The following DLGAP1 variants were observed in gnomAD, a reference collection of about 807,000 sequenced individuals.
DLGAP1 encodes the protein DLG associated protein 1, also known as disks large-associated protein 1.
DLGAP1 carries 11 observed loss-of-function variants against 90.8 expected under a neutral mutation model. That is an observed-to-expected ratio of 0.12 (90% CI 0.08 to 0.20). The LOEUF (loss-of-function observed/expected upper bound fraction) is 0.20. DLGAP1 is among the 10% of genes least tolerant of loss of function. DLGAP1 has a pLI of 1.00. For missense variants in DLGAP1, 1,050 were observed against 1,333.8 expected (o/e 0.79, Z 3.31); for synonymous variants, 558 against 540.7 (o/e 1.03, Z -0.44).
At chr18:3,898,694 A>G (rs1426055586) in intron 3 of DLGAP1, among the ~76,000 whole-genome samples, 1 of 152,232 alleles carries the variant, frequency 6.6e-6, no homozygotes, top group African/African-American at 2.4e-5. Context: ...CAGTTAGGCA[A>G]TGTCCTTTAA....
intron 1 of DLGAP1, among the ~76,000 whole-genome samples, chr18:4,184,572 A>C (rs1316400356): frequency 6.6e-6 from 1 of 152,056 alleles, no homozygotes; most frequent in Non-Finnish European, 1.5e-5. Flanking sequence ...ATTTCGTTCA[A>C]TGGTATTTCT....
chr18:4,289,292 C>T (rs775135396), intron 1 of DLGAP1, among the ~76,000 whole-genome samples: 1 of 152,076 alleles, frequency 6.6e-6, no homozygotes, highest in Non-Finnish European at 1.5e-5. Context: ...TCTCTACCTA[C>T]GTTTGCAGCA....
At chr18:3,599,469 G>A (rs757241226) in intron 7 of DLGAP1, among the ~76,000 whole-genome samples, 2 of 152,160 alleles carry the variant, frequency 1.3e-5, no homozygotes, top group Non-Finnish European at 2.9e-5. Flanking sequence ...GGGGCAGAAG[G>A]ATGCCATCCT....
chr18:3,962,296 A>G (rs550479974), intron 3 of DLGAP1: 18 of 152,270 alleles, frequency 1.2e-4, no homozygotes, highest in Middle Eastern at 3.4e-3. Flanking sequence ...GTTTCTTCAC[A>G]TTAAATTTGA....
chr18:3,877,602 T>C (rs553487766), intron 4 of DLGAP1, among the ~76,000 whole-genome samples: 1 of 152,296 alleles, frequency 6.6e-6, no homozygotes, highest in Admixed American at 6.5e-5. Flanking sequence ...CTTTCAGTGG[T>C]GGGTGAAGCT....
intron 8 of DLGAP1, among the ~76,000 whole-genome samples, chr18:3,576,727 G>C (rs1467311142): frequency 1.3e-5 from 2 of 151,470 alleles, no homozygotes; most frequent in Non-Finnish European, 2.9e-5. Flanking sequence ...ACCATGCCCG[G>C]CTAATTTTTT....
intron 5 of DLGAP1, among the ~76,000 whole-genome samples, chr18:3,810,266 T>C (rs1157697571): frequency 6.6e-6 from 1 of 152,170 alleles, no homozygotes; most frequent in Non-Finnish European, 1.5e-5. Context: ...TTAGGCCTTA[T>C]ATGTCTGAGG....
chr18:3,977,434 G>GGTTTTTTTTTTTTTTTTTTTTTTTTT (rs767760816), intron 3 of DLGAP1, among the ~76,000 whole-genome samples: 1 of 95,332 alleles, frequency 1.0e-5, no homozygotes, highest in African/African-American at 4.2e-5. Context: ...TTTATTCTGT[G>GGTTTTTTTTTTTTTTTTTTTTTTTTT]TTTTTTTTTT....
intron 1 of DLGAP1, among the ~76,000 whole-genome samples, chr18:4,230,155 A>G (rs1341694809): frequency 1.3e-5 from 2 of 152,112 alleles, no homozygotes; most frequent in Non-Finnish European, 2.9e-5. Flanking sequence ...GGATGTGGAG[A>G]AAAGGGAACC....
intron 7 of DLGAP1, among the ~76,000 whole-genome samples, chr18:3,658,448 C>T: frequency 6.6e-6 from 1 of 152,170 alleles, no homozygotes. Context: ...CTTCAGAATA[C>T]TTCCTGAGAT....
At chr18:3,589,398 C>T (rs2056103319) in intron 7 of DLGAP1, among the ~76,000 whole-genome samples, 1 of 152,092 alleles carries the variant, frequency 6.6e-6, no homozygotes, top group Non-Finnish European at 1.5e-5. Flanking sequence ...CCTTTTTATT[C>T]ATAAACCCTT....
At chr18:4,243,634 T>C (rs769600095) in intron 1 of DLGAP1, among the ~76,000 whole-genome samples, 1 of 152,230 alleles carries the variant, frequency 6.6e-6, no homozygotes, top group East Asian at 1.9e-4. Flanking sequence ...AGCAACGTGA[T>C]CTTCCGTGAT....
intron 1 of DLGAP1, among the ~76,000 whole-genome samples, chr18:4,236,705 C>T (rs778709951): frequency 7.9e-5 from 12 of 151,626 alleles, no homozygotes; most frequent in East Asian, 3.9e-4. Context: ...TTATCTTAAG[C>T]GAGGTGGCTT....
At chr18:3,674,520 T>C (rs2060224155) in intron 7 of DLGAP1, among the ~76,000 whole-genome samples, 2 of 150,778 alleles carry the variant, frequency 1.3e-5, no homozygotes, top group African/African-American at 4.9e-5. Context: ...CTCATGAGGC[T>C]GAGGTGGGAG....
At chr18:3,701,258 C>G (rs1361553848) in intron 7 of DLGAP1, among the ~76,000 whole-genome samples, 1 of 152,132 alleles carries the variant, frequency 6.6e-6, no homozygotes, top group Non-Finnish European at 1.5e-5. Flanking sequence ...AAGAACCAAA[C>G]AGTCCGGATC....
intron 2 of DLGAP1, among the ~76,000 whole-genome samples, chr18:4,103,995 CT>C (rs2075821035): frequency 6.6e-6 from 1 of 152,250 alleles, no homozygotes; most frequent in South Asian, 2.1e-4. Context: ...GTGAGACTGA[CT>C]TCCAGTTTTC....
intron 3 of DLGAP1, among the ~76,000 whole-genome samples, chr18:3,952,917 T>G (rs11874767): frequency 0.17 from 25,872 of 152,158 alleles, 2,357 homozygotes; most frequent in Middle Eastern, 0.22. Context: ...AGGGCCATTT[T>G]TCCTCTTAAC....
intron 1 of DLGAP1, among the ~76,000 whole-genome samples, chr18:4,402,600 A>T (rs2082578311): frequency 6.6e-6 from 1 of 152,238 alleles, no homozygotes; most frequent in Non-Finnish European, 1.5e-5. Context: ...TCAGAATCGG[A>T]TCTCAAAGCC....
At position 4,225,006 on chromosome 18, in the gene DLGAP1, C is replaced by T. The variant is rs73942723; in HGVS notation, c.-266-73719G>A. ...GTACACACACTCACACCCCCCCACA[C>T]ACACATGCATGCACACACAGATACT... is the stretch of plus-strand genomic sequence containing the variant. On this transcript the variant is annotated intron_variant, in intron 1 of 12. Transcript: ENST00000315677. Among the ~76,000 whole-genome samples, 1,036 of 152,166 alleles carry T rather than the reference C, an allele frequency of 6.8e-3. 11 individuals are homozygous for T. Among genetic ancestry groups the T allele is most frequent in the African/African-American group, 0.023 (950 of 41,524 alleles).
Sources: allele counts gnomAD v4.1 joint callset (sites outside exome capture counted in the v4.1 genomes callset), GRCh38; gene constraint gnomAD v4.1.1; transcripts MANE v1.5; gene names NCBI Gene and HGNC (gene_info 2026-07-23, HGNC 2026-07-21).